COG6: variants seen among roughly 807,000 people sequenced by gnomAD.
COG6 encodes the protein conserved oligomeric Golgi complex subunit 6.
COG6 carries 74 observed loss-of-function variants against 88.8 expected under a neutral mutation model. That is an observed-to-expected ratio of 0.83 (90% CI 0.69 to 1.01). The LOEUF is 1.01. Among genes scored for constraint, COG6 ranks in the 50% least tolerant of loss-of-function variants. The probability of loss-of-function intolerance (pLI) is 0.00; values close to 1 mark genes in which losing one functional copy is unlikely to be tolerated. For synonymous variants in COG6, 286 were observed against 278.7 expected, an observed-to-expected ratio of 1.03 and a Z score of -0.26; for missense variants, 800 against 797.9, an observed-to-expected ratio of 1.00 and a Z score of -0.03.
chr13:39,655,718 C>A lies in COG6; in HGVS notation c.-9C>A. On this transcript the variant is annotated 5_prime_UTR_variant, in exon 1 of 19. Coordinates refer to ENST00000455146, the MANE Select transcript of COG6 (RefSeq NM_020751.3). ...TGAGGTGGCAGCAGGGGGCGGGACG[C>A]GCAGCGCTATGGCAGAGGGCAGCGG... 1 of 1,587,166 alleles carries A rather than the reference C, an allele frequency of 6.3e-7. No homozygotes were observed. The highest frequency in any genetic ancestry group is 1.7e-5 in the Admixed American group (1 of 57,578).
intron 4 of COG6, among the ~76,000 whole-genome samples, chr13:39,675,179 A>G (rs1349381856): frequency 6.6e-6 from 1 of 152,142 alleles, no homozygotes; most frequent in Admixed American, 6.5e-5. Flanking sequence ...GTTAATATTT[A>G]TCTCCTATAC....
At chr13:39,750,912 A>G (rs765696345) in intron 18 of COG6, 34 bp from the exon 19 acceptor site, 1 of 1,555,922 alleles carries the variant, frequency 6.4e-7, no homozygotes, top group Non-Finnish European at 8.9e-7. Flanking sequence ...TTTTTTTCAA[A>G]TGATGTGTTT....
intron 10 of COG6, among the ~76,000 whole-genome samples, chr13:39,689,366 T>C (rs1200774635): frequency 6.6e-6 from 1 of 152,192 alleles, no homozygotes. Context: ...CCTCAGTGTA[T>C]GTGCTAAGCA....
rs187520564 is a variant in COG6 at position 39,711,117 on chromosome 13, A to T, written c.1285-8119A>T. 8.0e-4 allele frequency among the ~76,000 whole-genome samples: 121 copies of T among 152,146 alleles called. No individual in the cohort carries two copies. In the Middle Eastern group the frequency reaches 0.024, roughly 30 times the overall value. Reference sequence around the variant, plus strand: ...TCTGCCTTCCTCCTCCACCTGTAACATGTAAGAATCACCGGTTTGAAAAGT... The same window carrying T: ...TCTGCCTTCCTCCTCCACCTGTAACTTGTAAGAATCACCGGTTTGAAAAGT... On this transcript the variant is annotated intron_variant, in intron 13 of 18. Transcript: ENST00000455146.
chr13:39,758,628 G>T (rs1485732018), intron 18 of COG6, among the ~76,000 whole-genome samples: 2 of 152,144 alleles, frequency 1.3e-5, no homozygotes, highest in African/African-American at 2.4e-5. Flanking sequence ...CCCATATGTT[G>T]CTGGTGGGGA....
intron 4 of COG6, among the ~76,000 whole-genome samples, chr13:39,671,906 C>G (rs1320025743): frequency 6.6e-6 from 1 of 151,954 alleles, no homozygotes; most frequent in Non-Finnish European, 1.5e-5. Flanking sequence ...CACTTATTTT[C>G]TGCCCTATGA....
intron 18 of COG6, among the ~76,000 whole-genome samples, chr13:39,737,416 C>G (rs1879821295): frequency 6.6e-6 from 1 of 151,698 alleles, no homozygotes; most frequent in South Asian, 2.1e-4. Context: ...AGTGAGTTTC[C>G]CTTGTCTCCG....
intron 18 of COG6, among the ~76,000 whole-genome samples, chr13:39,729,682 A>G (rs1879331013): frequency 6.6e-6 from 1 of 152,194 alleles, no homozygotes; most frequent in Admixed American, 6.5e-5. Flanking sequence ...ACTTCTGTCT[A>G]TCAGACTGCT....
At chr13:39,695,164 A>G (rs1410037973) in intron 12 of COG6, among the ~76,000 whole-genome samples, 1 of 151,750 alleles carries the variant, frequency 6.6e-6, no homozygotes, top group African/African-American at 2.4e-5. Context: ...AATAGGGCAT[A>G]GTGAATGAAA....
In COG6 at chr13:39,752,598, CTGG is replaced by C. The variant is rs1880701036; in HGVS notation, c.*1507_*1509del. 2 of 1,264,334 alleles carry C rather than the reference CTGG, an allele frequency of 1.6e-6. No homozygotes were observed. The highest frequency in any genetic ancestry group is 3.1e-5 in the African/African-American group (2 of 64,886). The allele number at this position is 1,264,334 out of a possible 1,614,324, so 78.3% of individuals were successfully genotyped here. A position where few individuals can be genotyped will look rare whatever the true frequency, so the allele number is the denominator to read the frequency against. On this transcript the variant is annotated 3_prime_UTR_variant, in exon 19 of 19. Coordinates refer to ENST00000455146, the MANE Select transcript of COG6 (RefSeq NM_020751.3). ...AGGGAAAATTTATTGTGCTTTTTAC[CTGG>C]TTTTTTCAAATAAAATATTAAAATA... is the stretch of plus-strand genomic sequence containing the variant.
At chr13:39,661,003 T>A (rs1161878272) in intron 3 of COG6, 122 bp downstream of exon 3, 1 of 662,942 alleles carries the variant, frequency 1.5e-6, no homozygotes, top group African/African-American at 1.8e-5. Context: ...ATAAATATAA[T>A]CCTTATTTTT....
downstream of COG6, chr13:39,752,720 T>C (rs1356624376): frequency 9.0e-7 from 1 of 1,110,444 alleles, no homozygotes; most frequent in Admixed American, 4.3e-5. Context: ...AAATACAACA[T>C]AGGGCAAAAC....
At chr13:39,758,527 AG>A (rs995979883) in intron 18 of COG6, among the ~76,000 whole-genome samples, 2 of 152,260 alleles carry the variant, frequency 1.3e-5, no homozygotes, top group Admixed American at 1.3e-4. Context: ...AATGCAAGTC[AG>A]AATCACAATG....
chr13:39,679,974 GT>G lies in COG6; in HGVS notation c.626del (p.Leu209Ter). Reference sequence around the variant, plus strand: ...AATTATAATCATTAATTTTTTTTTAGTTTAGAAATTATGGAACAGATGGCCT... The same window carrying G: ...AATTATAATCATTAATTTTTTTTTAGTTAGAAATTATGGAACAGATGGCCT... Reference protein sequence around the residue: ...VLLRTNQQTAGLEIMEQMALL... With the variant: ...VLLRTNQQTAXLEIMEQMALL... On this transcript the variant is annotated frameshift_variant and splice_region_variant, in exon 7 of 19. Transcript: ENST00000455146. LOFTEE classifies it high-confidence loss of function. 6.9e-7 allele frequency: 1 copy of G among 1,455,320 alleles called. No individual in the cohort carries two copies. The highest frequency in any genetic ancestry group is 9.6e-7 in the Non-Finnish European group (1 of 1,040,678). The allele number at this position is 1,455,320 out of a possible 1,614,324, so 90.2% of individuals were successfully genotyped here. A position where few individuals can be genotyped will look rare whatever the true frequency, so the allele number is the denominator to read the frequency against.
intron 13 of COG6, among the ~76,000 whole-genome samples, chr13:39,715,900 C>G (rs1878501625): frequency 6.6e-6 from 1 of 151,788 alleles, no homozygotes; most frequent in African/African-American, 2.4e-5. Flanking sequence ...TTTAAAAAAC[C>G]CTCTTCTTGG....
At chr13:39,750,353 A>C (rs1453116126) in intron 18 of COG6, among the ~76,000 whole-genome samples, 2 of 152,198 alleles carry the variant, frequency 1.3e-5, no homozygotes, top group Admixed American at 1.3e-4. Context: ...AAACATTTGC[A>C]GGACTCATTC....
chr13:39,734,289 G>A (rs1015241695), intron 18 of COG6, among the ~76,000 whole-genome samples: 2 of 151,762 alleles, frequency 1.3e-5, no homozygotes, highest in South Asian at 2.1e-4. Flanking sequence ...ATTGGTTTTG[G>A]TATGTTGTTT....
At chr13:39,658,091 G>T (rs1874642883) in intron 1 of COG6, among the ~76,000 whole-genome samples, 1 of 142,082 alleles carries the variant, frequency 7.0e-6, no homozygotes, top group Non-Finnish European at 1.5e-5. Flanking sequence ...TACATCTCCT[G>T]CAAATCCACA....
In COG6 at chr13:39,687,611, G is replaced by T. The variant is rs772090504; in HGVS notation, c.897G>T (p.Met299Ile). ...GAGGTACACCTAGACCAATTGAAAT[G>T]CATTCTCATGACCCTTTGAGGTATA... The part of the protein sequence containing the change: ...GPGGTPRPIE[M>I]HSHDPLRYVG... Residue 299 changes from methionine (M) to isoleucine (I), a missense_variant, in exon 9 of 19, where the codon ATG (methionine) becomes ATT (isoleucine). Coordinates refer to ENST00000455146, the MANE Select transcript of COG6 (RefSeq NM_020751.3). 3 of 1,613,816 alleles carry T rather than the reference G, an allele frequency of 1.9e-6. No homozygotes were observed. In the African/African-American group the frequency reaches 4.0e-5, roughly 22 times the overall value.
Sources: allele counts gnomAD v4.1 joint callset (sites outside exome capture counted in the v4.1 genomes callset), GRCh38; gene constraint gnomAD v4.1.1; transcripts MANE v1.5; gene names NCBI Gene and HGNC (gene_info 2026-07-23, HGNC 2026-07-21).